MTUS2: variants seen among roughly 807,000 people sequenced by gnomAD.
The protein encoded by MTUS2 is microtubule associated scaffold protein 2, also known as microtubule-associated tumor suppressor candidate 2.
MTUS2 carries 40 observed loss-of-function variants against 114.1 expected under a neutral mutation model. The observed-to-expected ratio is 0.35, with a 90% confidence interval of 0.27 to 0.46. The LOEUF (loss-of-function observed/expected upper bound fraction) is 0.46. Among genes scored for constraint, MTUS2 ranks in the 20% least tolerant of loss-of-function variants. The probability of loss-of-function intolerance (pLI) is 1.00; values close to 1 mark genes in which losing one functional copy is unlikely to be tolerated. For missense variants in MTUS2, 1,679 were observed against 1,705.4 expected (o/e 0.98, Z 0.27); for synonymous variants, 688 against 672.0 (o/e 1.02, Z -0.37).
intron 2 of MTUS2, among the ~76,000 whole-genome samples, chr13:28,950,999 A>G (rs1375678153): frequency 6.6e-6 from 1 of 152,224 alleles, no homozygotes; most frequent in Non-Finnish European, 1.5e-5. Flanking sequence ...TAAATTGAGA[A>G]GGAAGTAAAA....
intron 2 of MTUS2, among the ~76,000 whole-genome samples, chr13:28,912,659 T>C (rs945658391): frequency 6.6e-6 from 1 of 152,188 alleles, no homozygotes; most frequent in Admixed American, 6.6e-5. Context: ...GGATTGTTTT[T>C]CCATTTGTTT....
chr13:29,302,747 C>T (rs187357497), intron 6 of MTUS2, among the ~76,000 whole-genome samples: 10 of 152,300 alleles, frequency 6.6e-5, no homozygotes, highest in East Asian at 1.9e-4. Flanking sequence ...AGAAGACAGG[C>T]GGTCCAGATG....
At chr13:28,873,262 AAG>A (rs1200385343) in intron 2 of MTUS2, among the ~76,000 whole-genome samples, 1 of 152,194 alleles carries the variant, frequency 6.6e-6, no homozygotes, top group Non-Finnish European at 1.5e-5. Context: ...TCTTCCTGCC[AAG>A]AGTGTTTGAG....
At chr13:29,454,598 C>T (rs989800195) in intron 9 of MTUS2, among the ~76,000 whole-genome samples, 2 of 151,952 alleles carry the variant, frequency 1.3e-5, no homozygotes, top group Non-Finnish European at 2.9e-5. Context: ...GTCAGGGGTC[C>T]AGAAAAGGCC....
intron 2 of MTUS2, among the ~76,000 whole-genome samples, chr13:28,990,773 T>TG (rs1884809645): frequency 6.6e-6 from 1 of 152,202 alleles, no homozygotes; most frequent in African/African-American, 2.4e-5. Context: ...TTCCAGGCTG[T>TG]GGAAGGTTTG....
intron 4 of MTUS2, among the ~76,000 whole-genome samples, chr13:29,085,138 C>T (rs1187170452): frequency 1.3e-5 from 2 of 152,138 alleles, no homozygotes; most frequent in Admixed American, 6.5e-5. Flanking sequence ...TGCAGGCTTC[C>T]CTTTACCTTC....
chr13:28,832,774 TA>T (rs60422185), intron 1 of MTUS2, among the ~76,000 whole-genome samples: 2 of 149,956 alleles, frequency 1.3e-5, no homozygotes, highest in Non-Finnish European at 3.0e-5. Context: ...AGAAAAACAA[TA>T]AAATCAATAA....
intron 4 of MTUS2, among the ~76,000 whole-genome samples, chr13:29,052,459 C>CAAAA (rs11325314): frequency 4.1e-4 from 39 of 94,820 alleles, no homozygotes; most frequent in Middle Eastern, 5.9e-3. Context: ...CTAGCCTGAG[C>CAAAA]AAAAAAAAAA....
intron 5 of MTUS2, among the ~76,000 whole-genome samples, chr13:29,253,726 AAG>A (rs1897204385): frequency 6.6e-6 from 1 of 152,198 alleles, no homozygotes; most frequent in South Asian, 2.1e-4. Flanking sequence ...TATAAAGAAA[AAG>A]AGGTTTAATG....
chr13:29,307,635 C>T, intron 6 of MTUS2: 1 of 1,161,296 alleles, frequency 8.6e-7, no homozygotes, highest in Non-Finnish European at 1.3e-6. Context: ...CCTCTGACTT[C>T]AACAGCGACA....
intron 2 of MTUS2, among the ~76,000 whole-genome samples, chr13:28,871,672 T>C (rs1479871322): frequency 6.6e-6 from 1 of 152,164 alleles, no homozygotes; most frequent in Non-Finnish European, 1.5e-5. Context: ...CGTTAACAAA[T>C]AGTCATGTGA....
At chr13:29,423,409 C>T (rs1032734245) in intron 8 of MTUS2, among the ~76,000 whole-genome samples, 2 of 152,128 alleles carry the variant, frequency 1.3e-5, no homozygotes, top group Non-Finnish European at 2.9e-5. Flanking sequence ...GACTGCACAA[C>T]TGGAGGAGGA....
intron 2 of MTUS2, among the ~76,000 whole-genome samples, chr13:28,994,365 T>A (rs1884994860): frequency 6.6e-6 from 1 of 152,178 alleles, no homozygotes; most frequent in Admixed American, 6.5e-5. Context: ...TAAACATACG[T>A]GTGCATGCGT....
At chr13:29,311,240 T>A (rs6490385) in intron 6 of MTUS2, among the ~76,000 whole-genome samples, 103,217 of 152,052 alleles carry the variant, frequency 0.68, 35,772 homozygotes, top group African/African-American at 0.82. Context: ...CACTACAGAC[T>A]TCTTGACAGT....
At chr13:29,334,223 T>C (rs1364987201) in intron 7 of MTUS2, among the ~76,000 whole-genome samples, 2 of 152,160 alleles carry the variant, frequency 1.3e-5, no homozygotes, top group East Asian at 3.9e-4. Context: ...TTAATATTAT[T>C]ATGTGTGAAT....
At chr13:29,483,505 T>C (rs1343827331) in intron 10 of MTUS2, among the ~76,000 whole-genome samples, 2 of 152,160 alleles carry the variant, frequency 1.3e-5, no homozygotes, top group Non-Finnish European at 2.9e-5. Context: ...CTGACACTAA[T>C]TGAATCAGAA....
chr13:28,908,199 G>A (rs991629014), intron 2 of MTUS2, among the ~76,000 whole-genome samples: 1 of 151,460 alleles, frequency 6.6e-6, no homozygotes, highest in East Asian at 1.9e-4. Flanking sequence ...ATGCAGGTTA[G>A]TTACATATGT....
chr13:29,184,763 C>T (rs1894152300), intron 5 of MTUS2, among the ~76,000 whole-genome samples: 1 of 152,102 alleles, frequency 6.6e-6, no homozygotes, highest in African/African-American at 2.4e-5. Context: ...CGACAAACAG[C>T]AACAACAAAC....
intron 5 of MTUS2, among the ~76,000 whole-genome samples, chr13:29,230,632 T>A (rs1423551309): frequency 6.6e-6 from 1 of 152,232 alleles, no homozygotes; most frequent in Non-Finnish European, 1.5e-5. Context: ...GCTGAACATG[T>A]GATAATGAGA....
Sources: allele counts gnomAD v4.1 joint callset (sites outside exome capture counted in the v4.1 genomes callset), GRCh38; gene constraint gnomAD v4.1.1; transcripts MANE v1.5; gene names NCBI Gene and HGNC (gene_info 2026-07-23, HGNC 2026-07-21).